The following KIZ variants were observed in gnomAD, a reference collection of about 807,000 sequenced individuals.
KIZ encodes the protein kizuna centrosomal protein.
A neutral mutation model predicts 79.6 loss-of-function variants in KIZ; 68 were observed. That is an observed-to-expected ratio of 0.85 (90% CI 0.70 to 1.05). The LOEUF (loss-of-function observed/expected upper bound fraction) is 1.05, where lower values mean the gene tolerates loss of function less well. Ranked by LOEUF, KIZ falls within the 50% of genes least tolerant of loss-of-function variation. KIZ has a pLI of 0.00. For missense variants in KIZ, 797 were observed against 800.4 expected, an observed-to-expected ratio of 1.00 and a Z score of 0.05; for synonymous variants, 280 against 281.8, an observed-to-expected ratio of 0.99 and a Z score of 0.06.
chr20:21,234,514 C>T (rs866113077), intron 11 of KIZ, among the ~76,000 whole-genome samples: 6 of 151,992 alleles, frequency 3.9e-5, no homozygotes, highest in Non-Finnish European at 4.4e-5. Context: ...ATATGCCACC[C>T]TGGGCTTTGG....
At chr20:21,166,747 C>A (rs977317670) in intron 6 of KIZ, among the ~76,000 whole-genome samples, 1 of 151,822 alleles carries the variant, frequency 6.6e-6, no homozygotes, top group Non-Finnish European at 1.5e-5. Context: ...CGTGAGCCAC[C>A]GCACCTGGCC....
intron 3 of KIZ, among the ~76,000 whole-genome samples, chr20:21,136,956 C>A (rs1188725227): frequency 6.6e-6 from 1 of 152,154 alleles, no homozygotes; most frequent in Non-Finnish European, 1.5e-5. Context: ...CAAGATTCTT[C>A]TTTAGTTAAG....
chr20:21,161,964 A>G lies in KIZ; in HGVS notation c.499A>G (p.Ile167Val), dbSNP rs773676832. 5.0e-6 allele frequency: 8 copies of G among 1,613,974 alleles called. No individual in the cohort carries two copies. In the Admixed American group the frequency reaches 1.0e-4, roughly 20 times the overall value. ...CTTTATGGGCCGCCAAATGTCAGCC[A>G]TCTTAAGCATGAGAGATTTCAGTAC... ...TIFMGRQMSA[I>V]LSMRDFSTEH... The change falls in exon 5 of 13, where the codon ATC (isoleucine) becomes GTC (valine). Residue 167 changes from isoleucine to valine, a missense_variant. By Grantham distance (29) the Ile-to-Val change is conservative (BLOSUM62 3). Transcript: ENST00000619189.
At position 21,126,082 on chromosome 20, in the gene KIZ, A is replaced by T; in HGVS notation, c.-34A>T. 6.7e-7 allele frequency: 1 copy of T among 1,495,232 alleles called. No individual in the cohort carries two copies. Among genetic ancestry groups the T allele is most frequent in the Non-Finnish European group, 8.9e-7 (1 of 1,124,370 alleles). 92.6% of individuals were successfully genotyped at this position (1,495,232 alleles called of 1,614,324 possible). A position where few individuals can be genotyped will look rare whatever the true frequency, so the allele number is the denominator to read the frequency against. On this transcript the variant is annotated 5_prime_UTR_variant, in exon 1 of 13. Transcript: ENST00000619189. ...GGCAACCCCGGCCGAACGGCCACCC[A>T]GAGGCTGTGCTGAGCTGGCGCAGCG...
chr20:21,215,537 C>A, intron 8 of KIZ, 46 bp from the exon 9 acceptor site: 1 of 1,165,000 alleles, frequency 8.6e-7, no homozygotes, highest in South Asian at 1.4e-5. Flanking sequence ...AGGATCTATT[C>A]CTTAACTTTG....
intron 3 of KIZ, among the ~76,000 whole-genome samples, chr20:21,138,619 G>A (rs540223791): frequency 1.3e-5 from 2 of 152,250 alleles, no homozygotes; most frequent in African/African-American, 2.4e-5. Context: ...GCCCCTGGGT[G>A]AGGCTGACTT....
intron 4 of KIZ, among the ~76,000 whole-genome samples, chr20:21,159,889 C>T (rs1385543547): frequency 6.6e-6 from 1 of 152,164 alleles, no homozygotes; most frequent in African/African-American, 2.4e-5. Context: ...TATGGAATTG[C>T]TGGTTAGATG....
At chr20:21,230,874 A>G (rs1252939875) in intron 10 of KIZ, among the ~76,000 whole-genome samples, 1 of 152,202 alleles carries the variant, frequency 6.6e-6, no homozygotes, top group East Asian at 1.9e-4. Context: ...GGATATTAGA[A>G]AGAATGTATT....
intron 6 of KIZ, among the ~76,000 whole-genome samples, chr20:21,178,686 A>G (rs2034532130): frequency 6.6e-6 from 1 of 152,164 alleles, no homozygotes; most frequent in South Asian, 2.1e-4. Flanking sequence ...TTCACCATTG[A>G]GTATGATATT....
chr20:21,244,799 G>A (rs45488891), intron 12 of KIZ: 2,236 of 155,328 alleles, frequency 0.014, 21 homozygotes, highest in Middle Eastern at 0.059. Flanking sequence ...TACCTTCAGG[G>A]TAGAGTCTGA....
At chr20:21,139,710 A>G (rs115681400) in intron 3 of KIZ, among the ~76,000 whole-genome samples, 90 of 152,352 alleles carry the variant, frequency 5.9e-4, no homozygotes, top group African/African-American at 2.1e-3. Flanking sequence ...CATTCATTAT[A>G]TAAAATAGGA....
At chr20:21,151,475 TGA>T (rs2033111768) in intron 4 of KIZ, 1 of 151,804 alleles carries the variant, frequency 6.6e-6, no homozygotes, top group Admixed American at 6.6e-5. Flanking sequence ...TGTAGTGGAA[TGA>T]GGGGGAAGAG....
intron 9 of KIZ, among the ~76,000 whole-genome samples, chr20:21,223,665 C>CTTT (rs1053285543): frequency 2.4e-4 from 30 of 126,140 alleles, no homozygotes; most frequent in Non-Finnish European, 3.0e-4. Flanking sequence ...CTCTCTCTCT[C>CTTT]TTTTTTTTTT....
chr20:21,167,406 CCT>C (rs138705074), intron 6 of KIZ, among the ~76,000 whole-genome samples: 2,943 of 152,166 alleles, frequency 0.019, 88 homozygotes, highest in African/African-American at 0.066. Context: ...CTTCCCCTCC[CCT>C]TATACCTTCA....
chr20:21,179,535 T>C (rs1291305546), intron 6 of KIZ, among the ~76,000 whole-genome samples: 2 of 152,022 alleles, frequency 1.3e-5, no homozygotes, highest in African/African-American at 4.8e-5. Flanking sequence ...GTCTTAGTTT[T>C]ATTGATTTTT....
chr20:21,171,954 G>A (rs2034225191), intron 6 of KIZ, among the ~76,000 whole-genome samples: 1 of 152,146 alleles, frequency 6.6e-6, no homozygotes, highest in African/African-American at 2.4e-5. Flanking sequence ...CCAAGGTGCT[G>A]GACATATAGG....
At chr20:21,237,301 CAAAAAAA>C (rs72536116) in intron 11 of KIZ, among the ~76,000 whole-genome samples, 133 of 58,644 alleles carry the variant, frequency 2.3e-3, no homozygotes, top group African/African-American at 7.3e-3. Context: ...AACTCCGTCT[CAAAAAAA>C]AAAAAAAAAA....
intron 11 of KIZ, among the ~76,000 whole-genome samples, chr20:21,239,597 A>AAAACCTATT (rs2037148211): frequency 6.6e-6 from 1 of 152,206 alleles, no homozygotes; most frequent in Non-Finnish European, 1.5e-5. Context: ...TCCACAAAGC[A>AAAACCTATT]AAACCTATTG....
At chr20:21,206,395 G>A (rs1486759465) in intron 7 of KIZ, among the ~76,000 whole-genome samples, 1 of 152,176 alleles carries the variant, frequency 6.6e-6, no homozygotes, top group Admixed American at 6.5e-5. Context: ...AGCAAGGAAG[G>A]CGGAGGTCAT....
Sources: allele counts gnomAD v4.1 joint callset (sites outside exome capture counted in the v4.1 genomes callset), GRCh38; gene constraint gnomAD v4.1.1; transcripts MANE v1.5; gene names NCBI Gene and HGNC (gene_info 2026-07-23, HGNC 2026-07-21).